The following MRTFA variants were observed in gnomAD, a reference collection of about 807,000 sequenced individuals.
The protein encoded by MRTFA is myocardin-related transcription factor A.
Under a neutral mutation model 83.5 loss-of-function variants are expected in MRTFA, and 20 were observed. The ratio of observed to expected loss-of-function variants is 0.24; its 90% CI spans 0.17 to 0.35. The LOEUF is 0.35. MRTFA is among the 10% of genes least tolerant of loss of function. The pLI is 1.00. For missense variants in MRTFA, 1,200 were observed against 1,224.7 expected (o/e 0.98, Z 0.30); for synonymous variants, 659 against 541.2 (o/e 1.22, Z -3.02).
intron 14 of MRTFA, chr22:40,412,124 C>A: frequency 2.5e-6 from 1 of 398,278 alleles, no homozygotes; most frequent in Non-Finnish European, 4.3e-6. Context: ...ACACAGAGAA[C>A]TTCTAAAACT....
intron 1 of MRTFA, among the ~76,000 whole-genome samples, chr22:40,610,932 CTTTT>C (rs746175814): frequency 9.2e-6 from 1 of 108,370 alleles, no homozygotes; most frequent in African/African-American, 3.5e-5. Flanking sequence ...TTTTCTTTTA[CTTTT>C]TTTTTTTTTT....
chr22:40,484,893 A>C (rs1192395594), intron 3 of MRTFA, among the ~76,000 whole-genome samples: 1 of 152,006 alleles, frequency 6.6e-6, no homozygotes, highest in East Asian at 1.9e-4. Flanking sequence ...CAACATGGTG[A>C]AACCCCGTCT....
intron 2 of MRTFA, among the ~76,000 whole-genome samples, chr22:40,552,974 A>G (rs922850083): frequency 1.4e-4 from 22 of 152,212 alleles, no homozygotes; most frequent in African/African-American, 4.8e-4. Context: ...TGGACAATGA[A>G]GTACAGGCTG....
intron 1 of MRTFA, among the ~76,000 whole-genome samples, chr22:40,620,877 G>T (rs899218225): frequency 1.3e-5 from 2 of 152,066 alleles, no homozygotes; most frequent in African/African-American, 4.8e-5. Context: ...GACAAATAAA[G>T]AATGAAATAA....
At chr22:40,588,166 T>C (rs1200560702) in intron 2 of MRTFA, among the ~76,000 whole-genome samples, 2 of 151,792 alleles carry the variant, frequency 1.3e-5, no homozygotes, top group African/African-American at 4.8e-5. Flanking sequence ...GTAGCTAGGA[T>C]TACAGGCACG....
At position 40,512,975 on chromosome 22, in the gene MRTFA, T is replaced by C. The variant is rs115238463; in HGVS notation, c.241+39131A>G. The stretch of plus-strand genomic sequence containing the variant: ...TTTATTTTATGTAACTATTTTGCTA[T>C]GAAAAGAAATTTCTAGGTAACACAG... On this transcript the variant is annotated intron_variant, in intron 3 of 14. Transcript: ENST00000355630. 9.8e-3 allele frequency among the ~76,000 whole-genome samples: 1,491 copies of C among 152,310 alleles called. 24 individuals carry two copies. The highest frequency in any genetic ancestry group is 0.035 in the African/African-American group (1,449 of 41,544).
At position 40,576,082 on chromosome 22, in the gene MRTFA, A is replaced by C. The variant is rs1460236592; in HGVS notation, c.-22+18592T>G. On this transcript the variant is annotated intron_variant, in intron 2 of 14. Transcript: ENST00000355630. Reference sequence around the variant, plus strand: ...CTTGTTCTGTCTCCCAGGCTGGAGTACAGTGGCATGATCTCGGCTCACTGC... The same window carrying C: ...CTTGTTCTGTCTCCCAGGCTGGAGTCCAGTGGCATGATCTCGGCTCACTGC... Among the ~76,000 whole-genome samples, 5 of 143,796 alleles carry C rather than the reference A, an allele frequency of 3.5e-5. No homozygotes were observed. The South Asian group carries it at 6.5e-4, about 19-fold the overall frequency. The allele number at this position is 143,796 out of a possible 152,430, so 94.3% of individuals were successfully genotyped here.
At chr22:40,469,980 T>C (rs527828252) in intron 3 of MRTFA, among the ~76,000 whole-genome samples, 2 of 151,596 alleles carry the variant, frequency 1.3e-5, no homozygotes, top group East Asian at 3.9e-4. Context: ...TCCCAACACT[T>C]TGGGAGGCCA....
chr22:40,527,935 T>C (rs1398444438), intron 3 of MRTFA, among the ~76,000 whole-genome samples: 4 of 151,928 alleles, frequency 2.6e-5, no homozygotes, highest in Admixed American at 6.6e-5. Context: ...AAAAAAAAGA[T>C]GCAGACTGAC....
rs573443258 is a variant in MRTFA at position 40,421,201 on chromosome 22, T to C, written c.928-101A>G. On this transcript the variant is annotated intron_variant, in intron 9 of 14. Transcript: ENST00000355630. The stretch of plus-strand genomic sequence containing the variant: ...CACCTGTGTGGCTTCTGAGAAGACA[T>C]CCCCATCCACACTTTGCCCATTTCC... The C allele has an allele frequency of 3.7e-6, 5 of 1,345,922 alleles. No homozygotes were observed. The African/African-American group carries it at 5.9e-5, about 16-fold the overall frequency. The allele number at this position is 1,345,922 out of a possible 1,614,324, so 83.4% of individuals were successfully genotyped here.
chr22:40,612,511 A>G (rs918617503), intron 1 of MRTFA, among the ~76,000 whole-genome samples: 1 of 152,238 alleles, frequency 6.6e-6, no homozygotes, highest in Non-Finnish European at 1.5e-5. Context: ...TAGTCCACAG[A>G]GTATTGACCT....
At chr22:40,603,057 G>A (rs1275732889) in intron 1 of MRTFA, among the ~76,000 whole-genome samples, 1 of 152,148 alleles carries the variant, frequency 6.6e-6, no homozygotes, top group Non-Finnish European at 1.5e-5. Flanking sequence ...GTACACACTA[G>A]GCTATTTACA....
intron 5 of MRTFA, among the ~76,000 whole-genome samples, chr22:40,434,723 A>G (rs1569263052): frequency 1.3e-5 from 2 of 152,208 alleles, no homozygotes; most frequent in Non-Finnish European, 2.9e-5. Flanking sequence ...CTCCGTCTCA[A>G]AAAATAAAGT....
intron 7 of MRTFA, among the ~76,000 whole-genome samples, chr22:40,425,010 G>A (rs1246223376): frequency 2.0e-5 from 3 of 152,188 alleles, no homozygotes; most frequent in Non-Finnish European, 4.4e-5. Flanking sequence ...AGGTGGTGTG[G>A]TGACCTCCTC....
chr22:40,492,693 A>T (rs1015663796), intron 3 of MRTFA, among the ~76,000 whole-genome samples: 1 of 152,210 alleles, frequency 6.6e-6, no homozygotes. Flanking sequence ...TTTACTGGAC[A>T]CATTCATCTT....
At chr22:40,604,413 A>G (rs530833564) in intron 1 of MRTFA, among the ~76,000 whole-genome samples, 23 of 151,450 alleles carry the variant, frequency 1.5e-4, no homozygotes, top group South Asian at 1.1e-3. Context: ...TACAGGCGTG[A>G]GCCACCGTAC....
intron 4 of MRTFA, among the ~76,000 whole-genome samples, chr22:40,450,972 G>A (rs182295216): frequency 4.0e-3 from 609 of 152,288 alleles, no homozygotes; most frequent in Non-Finnish European, 6.0e-3. Flanking sequence ...AGGCTCAGTA[G>A]CCTCATCTGC....
Position 40,419,349 on chromosome 22 carries a change from T to C in MRTFA, c.1389A>G (p.Ser463=), listed in dbSNP as rs1000979768. The C allele has an allele frequency of 3.7e-6, 6 of 1,613,852 alleles. No individual in the cohort carries two copies. The highest frequency in any genetic ancestry group is 1.7e-6 in the Non-Finnish European group (2 of 1,179,976). Residue 463 remains serine, a synonymous_variant, in exon 12 of 15, where the codon TCA becomes TCG. Transcript: ENST00000355630. ...CAGTTTTGGTGCCCGAGACAGGCAG[T>C]GATCGCAACTTCAGCTCCTGCTTCA...
intron 3 of MRTFA, among the ~76,000 whole-genome samples, chr22:40,485,898 G>A (rs910423213): frequency 9.9e-5 from 15 of 152,172 alleles, no homozygotes; most frequent in Admixed American, 8.5e-4. Context: ...CCCTCAACTG[G>A]GAAGGACCAA....
Sources: allele counts gnomAD v4.1 joint callset (sites outside exome capture counted in the v4.1 genomes callset), GRCh38; gene constraint gnomAD v4.1.1; transcripts MANE v1.5; gene names NCBI Gene and HGNC (gene_info 2026-07-23, HGNC 2026-07-21).